The following ZMYM2 variants were observed in gnomAD, a reference collection of about 807,000 sequenced individuals.
ZMYM2 encodes zinc finger MYM-type containing 2, also known as zinc finger MYM-type protein 2.
ZMYM2 carries 56 observed loss-of-function variants against 162.8 expected under a neutral mutation model. That is an observed-to-expected ratio of 0.34 (90% CI 0.28 to 0.43). The LOEUF (loss-of-function observed/expected upper bound fraction) is 0.43, where lower values mean the gene tolerates loss of function less well. Ranked by LOEUF, ZMYM2 falls within the 20% of genes least tolerant of loss-of-function variation. The pLI, the probability that ZMYM2 is intolerant of heterozygous loss-of-function variation, is 1.00. For synonymous variants in ZMYM2, 510 were observed against 541.6 expected, an observed-to-expected ratio of 0.94 and a Z score of 0.81; for missense variants, 1,275 against 1,621.8, an observed-to-expected ratio of 0.79 and a Z score of 3.67.
rs774888472 is a variant in ZMYM2 at position 19,993,363 on chromosome 13, C to A, written c.291C>A (p.Ser97=). Reference sequence around the variant, plus strand: ...ATGAAGAACTACAAGGAAATGATTCCAAAATTACTCCTTCCTCAAAAGAGT... The same window carrying A: ...ATGAAGAACTACAAGGAAATGATTCAAAAATTACTCCTTCCTCAAAAGAGT... ...SKNEELQGND[S]KITPSSKELA... Residue 97 remains serine (S), a synonymous_variant, in exon 3 of 25, where the codon TCC becomes TCA. Transcript: ENST00000610343. The A allele has an allele frequency of 5.3e-5, 86 of 1,613,504 alleles. No homozygotes were observed. In the South Asian group the frequency reaches 8.7e-4, roughly 16 times the overall value.
At chr13:20,008,632 A>T (rs562438948) in intron 6 of ZMYM2, among the ~76,000 whole-genome samples, 1 of 152,320 alleles carries the variant, frequency 6.6e-6, no homozygotes, top group South Asian at 2.1e-4. Context: ...AGAATAAACT[A>T]TGCCAGATAA....
At chr13:19,945,542 G>A in the ZMYM2 span, among the ~76,000 whole-genome samples, 1 of 152,112 alleles carries the variant, frequency 6.6e-6, no homozygotes, top group African/African-American at 2.4e-5. Flanking sequence ...GTGAACCACT[G>A]TAATTTTAGA....
chr13:19,931,008 G>C, the ZMYM2 span, among the ~76,000 whole-genome samples: 26 of 151,374 alleles, frequency 1.7e-4, no homozygotes, highest in Non-Finnish European at 3.2e-4. Flanking sequence ...GCGCGGTGGC[G>C]GGCGCCTGTA....
intron 6 of ZMYM2, among the ~76,000 whole-genome samples, chr13:20,011,573 G>GTTTTTTTTTTTTTTTT (rs764404253): frequency 1.4e-5 from 2 of 144,260 alleles, no homozygotes; most frequent in African/African-American, 5.3e-5. Context: ...TTATTTTTTT[G>GTTTTTTTTTTTTTTTT]TTTTATTTTT....
At chr13:20,069,025 G>A (rs904081432) in intron 21 of ZMYM2, among the ~76,000 whole-genome samples, 5 of 152,108 alleles carry the variant, frequency 3.3e-5, no homozygotes, top group Admixed American at 6.5e-5. Context: ...CTGATCTCTA[G>A]TCTACCTAGT....
At chr13:20,029,176 T>A (rs1952847177) in intron 9 of ZMYM2, among the ~76,000 whole-genome samples, 3 of 152,252 alleles carry the variant, frequency 2.0e-5, no homozygotes, top group African/African-American at 7.2e-5. Context: ...GATAAGGCAC[T>A]GGCAATTTGT....
intron 21 of ZMYM2, among the ~76,000 whole-genome samples, chr13:20,080,971 T>C (rs1440246217): frequency 2.0e-5 from 3 of 152,232 alleles, no homozygotes; most frequent in African/African-American, 7.2e-5. Context: ...AAGAACACTT[T>C]ATAAAAATAG....
the ZMYM2 span, among the ~76,000 whole-genome samples, chr13:19,906,284 GTATATATATATA>G: frequency 7.6e-3 from 483 of 63,780 alleles, 8 homozygotes; most frequent in Middle Eastern, 0.036. Context: ...TCAAAAAAAA[GTATATATATATA>G]TATATATATA....
chr13:19,959,764 A>G (rs1954976150), intron 1 of ZMYM2, 194 bp from the exon 2 acceptor site: 2 of 152,104 alleles, frequency 1.3e-5, no homozygotes, highest in Non-Finnish European at 1.5e-5. Flanking sequence ...TTTTGGCCCC[A>G]AATATGTATT....
intron 2 of ZMYM2, among the ~76,000 whole-genome samples, chr13:19,983,168 G>T (rs1465107843): frequency 4.9e-5 from 7 of 144,182 alleles, no homozygotes; most frequent in Admixed American, 2.8e-4. Context: ...TTTTTGAGAC[G>T]GAGTCTCATT....
the ZMYM2 span, among the ~76,000 whole-genome samples, chr13:19,904,903 G>C: frequency 6.6e-6 from 1 of 151,632 alleles, no homozygotes; most frequent in Non-Finnish European, 1.5e-5. Flanking sequence ...ACCACAATTT[G>C]TTTATCCATT....
intron 24 of ZMYM2, among the ~76,000 whole-genome samples, chr13:20,084,668 C>T (rs893067343): frequency 6.6e-6 from 1 of 151,794 alleles, no homozygotes; most frequent in African/African-American, 2.4e-5. Flanking sequence ...ATTTTTTTTC[C>T]CCTCAATCTC....
intron 24 of ZMYM2, among the ~76,000 whole-genome samples, chr13:20,085,506 C>T (rs1031663242): frequency 2.6e-5 from 4 of 152,110 alleles, no homozygotes; most frequent in Non-Finnish European, 5.9e-5. Flanking sequence ...AACTGGGATG[C>T]ACAGTTTAAA....
At chr13:19,926,648 G>A in the ZMYM2 span, among the ~76,000 whole-genome samples, 1 of 152,118 alleles carries the variant, frequency 6.6e-6, no homozygotes, top group African/African-American at 2.4e-5. Flanking sequence ...ACAGGCGTGA[G>A]CCACTGCACC....
intron 2 of ZMYM2, among the ~76,000 whole-genome samples, chr13:19,990,690 T>C (rs2139685432): frequency 6.6e-6 from 1 of 152,278 alleles, no homozygotes; most frequent in South Asian, 2.1e-4. Context: ...AAGCAATACA[T>C]ATTAGTCTCT....
chr13:20,019,556 C>A lies in ZMYM2; in HGVS notation c.1522C>A (p.His508Asn). 6.3e-7 allele frequency: 1 copy of A among 1,588,166 alleles called. No individual in the cohort carries two copies. Among genetic ancestry groups the A allele is most frequent in the Admixed American group, 1.8e-5 (1 of 56,136 alleles). The change falls in exon 7 of 25, where the codon CAT (histidine) becomes AAT (asparagine). Residue 508 changes from histidine to asparagine, a missense_variant. His to Asn is a moderately conservative substitution (Grantham distance 68, BLOSUM62 1). Around this residue, in one of 10 missense-constraint regions of ZMYM2, gnomAD observed 276 missense variants for 311.8 expected, o/e 0.89. Transcript: ENST00000610343. ...TAAAATCTTTTTTTAGGTAGGTAGC[C>A]ATCCAAGCTTCCTGAAGGAGGTTCG... ...CVSEYKQVGS[H>N]PSFLKEVRDH...
the ZMYM2 span, among the ~76,000 whole-genome samples, chr13:19,885,847 CA>C: frequency 0.22 from 5,144 of 22,990 alleles, 995 homozygotes; most frequent in Non-Finnish European, 0.37. Flanking sequence ...AACTCTGTCT[CA>C]AAAAAAAAAA....
chr13:19,896,584 G>A, the ZMYM2 span, among the ~76,000 whole-genome samples: 30 of 150,568 alleles, frequency 2.0e-4, 1 homozygote, highest in African/African-American at 6.1e-4. Flanking sequence ...GTGAAACCCC[G>A]TCTCTACTAA....
At chr13:20,035,158 T>C (rs2140352291) in intron 11 of ZMYM2, among the ~76,000 whole-genome samples, 1 of 152,354 alleles carries the variant, frequency 6.6e-6, no homozygotes, top group Non-Finnish European at 1.5e-5. Context: ...AATATTTTTT[T>C]CTGGATCTGC....
Sources: gnomAD v4.1 joint callset for allele counts (sites outside exome capture counted in the v4.1 genomes callset) on GRCh38, gnomAD v4.1.1 for gene constraint, gnomAD v4.1.1 regional missense constraint, MANE v1.5 for transcripts, NCBI Gene and HGNC (gene_info 2026-07-23, HGNC 2026-07-21) for gene names.